The following PCDHGB2 variants were observed in gnomAD, a reference collection of about 807,000 sequenced individuals.
The protein encoded by PCDHGB2 is protocadherin gamma-B2.
A neutral mutation model predicts 59.3 loss-of-function variants in PCDHGB2; 55 were observed. That is an observed-to-expected ratio of 0.93 (90% confidence interval 0.75 to 1.16). The LOEUF (loss-of-function observed/expected upper bound fraction) is 1.16. Ranked by LOEUF, PCDHGB2 falls within the 50% of genes most tolerant of loss-of-function variation. The probability of loss-of-function intolerance (pLI) is 0.00; values close to 1 mark genes in which losing one functional copy is unlikely to be tolerated. For missense variants in PCDHGB2, 1,228 were observed against 1,198.5 expected (o/e 1.02, Z -0.36); for synonymous variants, 516 against 512.0 (o/e 1.01, Z -0.11).
chr5:141,475,013 G>C (rs950376592), intron 1 of PCDHGB2, among the ~76,000 whole-genome samples: 1 of 152,176 alleles, frequency 6.6e-6, no homozygotes, highest in Non-Finnish European at 1.5e-5. Flanking sequence ...AAAAGTTAAG[G>C]CTCTTTATTC....
chr5:141,480,429 T>A (rs72790066), intron 1 of PCDHGB2, among the ~76,000 whole-genome samples: 9,317 of 151,926 alleles, frequency 0.061, 335 homozygotes, highest in South Asian at 0.12. Context: ...AAAAAAATTA[T>A]CAGCTATTAC....
intron 1 of PCDHGB2, chr5:141,412,671 A>T (rs1335241581): frequency 6.6e-6 from 1 of 152,290 alleles, no homozygotes; most frequent in Non-Finnish European, 1.5e-5. Flanking sequence ...AATATGACCT[A>T]AAATAAGTAT....
rs762783104 is a variant in PCDHGB2 at position 141,485,601 on chromosome 5, G to A, written c.2422-9206G>A. 4.3e-6 allele frequency: 7 copies of A among 1,612,290 alleles called. No homozygotes were observed. The highest frequency in any genetic ancestry group is 5.9e-6 in the Non-Finnish European group (7 of 1,178,722). On this transcript the variant is annotated intron_variant, in intron 1 of 3. Transcript: ENST00000522605. The surrounding 1 kb of genome is among the most constrained non-coding windows in gnomAD (Gnocchi z 5.7). ...CGGCAGCAGCTGGACTTGGAAATTG[G>A]GGAGGCAGCTCCTCCAGGACAGCGT...
chr5:141,511,351 C>G lies in PCDHGB2; in HGVS notation c.*178C>G, dbSNP rs1190324197. On this transcript the variant is annotated 3_prime_UTR_variant, in exon 4 of 4. Coordinates refer to ENST00000522605, the MANE Select transcript of PCDHGB2 (RefSeq NM_018923.3). The stretch of plus-strand genomic sequence containing the variant: ...CCAGTCAGCACCTACCCCTTCCCCC[C>G]CAGGGGGTTGAATATGCAAAAGCAG... 6 of 1,386,432 alleles carry G rather than the reference C, an allele frequency of 4.3e-6. No individual in the cohort carries two copies. The highest frequency in any genetic ancestry group is 2.9e-5 in the African/African-American group (2 of 68,574). The allele number at this position is 1,386,432 out of a possible 1,614,324, so 85.9% of individuals were successfully genotyped here.
chr5:141,495,005 C>CG (rs2099758180), intron 2 of PCDHGB2, 140 bp downstream of exon 2: 6 of 1,522,802 alleles, frequency 3.9e-6, no homozygotes, highest in Admixed American at 2.0e-5. Context: ...TCTTGGTGTG[C>CG]GGGGGGCTGG....
At position 141,477,961 on chromosome 5, in the gene PCDHGB2, C is replaced by G. The variant is rs199947431; in HGVS notation, c.2422-16846C>G. On this transcript the variant is annotated intron_variant, in intron 1 of 3. Transcript: ENST00000522605. The surrounding 1 kb of genome is among the most constrained non-coding windows in gnomAD (Gnocchi z 4.9). ...CCTACAGTCTCTTGGGATCCCCTAA[C>G]CAGAGCCTTTTTGCCATAGGGCTGC... 10 of 1,614,166 alleles carry G rather than the reference C, an allele frequency of 6.2e-6. No individual in the cohort carries two copies. Among genetic ancestry groups the G allele is most frequent in the Middle Eastern group, 3.3e-4 (2 of 6,062 alleles).
chr5:141,488,634 G>A (rs937680420), intron 1 of PCDHGB2, among the ~76,000 whole-genome samples: 4 of 152,150 alleles, frequency 2.6e-5, no homozygotes, highest in Non-Finnish European at 4.4e-5. Context: ...CACCTTAGCA[G>A]CATTCAGCAG....
rs376395066 is a variant in PCDHGB2 at position 141,490,681 on chromosome 5, C to G, written c.2422-4126C>G. On this transcript the variant is annotated intron_variant, in intron 1 of 3. Transcript: ENST00000522605. The surrounding 1 kb of genome is among the most constrained non-coding windows in gnomAD (Gnocchi z 5.4). ...TCTTTGCACTGTGGCTGCCTCAGATCCAGACACTGGGGATAATGCCCGCCT... is the reference window on the plus strand; with the variant it reads ...TCTTTGCACTGTGGCTGCCTCAGATGCAGACACTGGGGATAATGCCCGCCT... 2.5e-6 allele frequency: 4 copies of G among 1,613,998 alleles called. No homozygotes were observed. In the African/African-American group the frequency reaches 4.0e-5, roughly 16 times the overall value.
At chr5:141,497,776 C>A (rs1384125562) in intron 2 of PCDHGB2, among the ~76,000 whole-genome samples, 2 of 152,170 alleles carry the variant, frequency 1.3e-5, no homozygotes. Flanking sequence ...CCGACCTCAA[C>A]TGATCCACCT....
At position 141,361,313 on chromosome 5, in the gene PCDHGB2, T is replaced by G; in HGVS notation, c.1178T>G (p.Ile393Ser). ...YCQVLGNAKF[I>S]LKSSSKNYYK... ...CAAGTGTTGGGAAATGCCAAGTTTA[T>G]TTTGAAATCTTCCTCAAAGAACTAT... is the stretch of plus-strand genomic sequence containing the variant. Residue 393 changes from isoleucine (I) to serine (S), a missense_variant, in exon 1 of 4, where the codon ATT (isoleucine) becomes AGT (serine). This residue lies in a region of PCDHGB2 where 781 missense variants were observed against 721.6 expected (regional missense o/e 1.08). Transcript: ENST00000522605. 6.2e-7 allele frequency: 1 copy of G among 1,613,982 alleles called. No individual in the cohort carries two copies. The highest frequency in any genetic ancestry group is 8.5e-7 in the Non-Finnish European group (1 of 1,179,892).
intron 1 of PCDHGB2, chr5:141,366,678 A>G (rs1764735373): frequency 1.9e-6 from 3 of 1,614,146 alleles, no homozygotes; most frequent in East Asian, 2.2e-5. Context: ...CTTAGTGAAG[A>G]GAGCTGTGAG....
Position 141,511,186 on chromosome 5 carries a change from G to A in PCDHGB2, c.*13G>A. 1 of 1,613,906 alleles carries A rather than the reference G, an allele frequency of 6.2e-7. No individual in the cohort carries two copies. The highest frequency in any genetic ancestry group is 8.5e-7 in the Non-Finnish European group (1 of 1,179,890). ...GGAGAAGAAGTAACATGGAGGCCAG[G>A]CCAAGAGCCACAGGGCGGCCTCTCC... On this transcript the variant is annotated 3_prime_UTR_variant, in exon 4 of 4. Transcript: ENST00000522605.
chr5:141,478,767 C>T (rs953695562), intron 1 of PCDHGB2: 44 of 1,500,650 alleles, frequency 2.9e-5, no homozygotes, highest in Non-Finnish European at 3.9e-5. Context: ...ATACTTGACT[C>T]ATCTGTGGAC....
intron 1 of PCDHGB2, among the ~76,000 whole-genome samples, chr5:141,451,630 C>T (rs899343801): frequency 2.0e-5 from 3 of 152,132 alleles, no homozygotes; most frequent in Non-Finnish European, 2.9e-5. Flanking sequence ...ACCTGTAATT[C>T]CAGCACTCTG....
Position 141,493,404 on chromosome 5 carries a change from C to T in PCDHGB2, c.2422-1403C>T, listed in dbSNP as rs2099748048. Among the ~76,000 whole-genome samples, 1 of 152,148 alleles carries T rather than the reference C, an allele frequency of 6.6e-6. No individual in the cohort carries two copies. Among genetic ancestry groups the T allele is most frequent in the South Asian group, 2.1e-4 (1 of 4,826 alleles). ...CTTGAGGACAGGAGAGGGGAGTTGC[C>T]TCTGCTGGGATTTTGCTTCTGCTGG... On this transcript the variant is annotated intron_variant, in intron 1 of 3. Transcript: ENST00000522605. The surrounding 1 kb of genome is among the most constrained non-coding windows in gnomAD (Gnocchi z 4.3).
chr5:141,404,738 A>C (rs1361110725), intron 1 of PCDHGB2: 24 of 1,613,674 alleles, frequency 1.5e-5, no homozygotes, highest in Non-Finnish European at 1.9e-5. Flanking sequence ...GGCAGTGGAC[A>C]GAGACTCAGG....
At chr5:141,506,805 G>A (rs1314432893) in intron 3 of PCDHGB2, among the ~76,000 whole-genome samples, 1 of 152,172 alleles carries the variant, frequency 6.6e-6, no homozygotes, top group African/African-American at 2.4e-5. Flanking sequence ...GAGGATCAAG[G>A]CATTGCCCTA....
chr5:141,460,511 AT>A (rs937107682), intron 1 of PCDHGB2, among the ~76,000 whole-genome samples: 2 of 152,168 alleles, frequency 1.3e-5, no homozygotes, highest in African/African-American at 4.8e-5. Flanking sequence ...TGAGAAGGCT[AT>A]CTTTTCCCCA....
At chr5:141,482,675 A>G (rs1258898440) in intron 1 of PCDHGB2, among the ~76,000 whole-genome samples, 1 of 149,114 alleles carries the variant, frequency 6.7e-6, no homozygotes, top group African/African-American at 2.5e-5. Context: ...AAGGTTGAGT[A>G]GTAGCTTGTC....
Sources: allele counts gnomAD v4.1 joint callset (sites outside exome capture counted in the v4.1 genomes callset), GRCh38; gene constraint gnomAD v4.1.1; regional missense constraint gnomAD v4.1.1; non-coding constraint Gnocchi (gnomAD v3.1); transcripts MANE v1.5; gene names NCBI Gene and HGNC (gene_info 2026-07-23, HGNC 2026-07-21).